PDE10A: variants seen among roughly 807,000 people sequenced by gnomAD.
PDE10A encodes the protein phosphodiesterase 10A, also known as cAMP and cAMP-inhibited cGMP 3',5'-cyclic phosphodiesterase 10A.
PDE10A carries 39 observed loss-of-function variants against 97.7 expected under a neutral mutation model. That is an observed-to-expected ratio of 0.40 (90% CI 0.31 to 0.52). The LOEUF is 0.52. PDE10A is among the 20% of genes least tolerant of loss of function. The pLI is 0.56. For synonymous variants in PDE10A, 371 were observed against 376.8 expected, an observed-to-expected ratio of 0.98 and a Z score of 0.18; for missense variants, 731 against 1,047.8, an observed-to-expected ratio of 0.70 and a Z score of 4.17.
intron 1 of PDE10A, among the ~76,000 whole-genome samples, chr6:165,712,722 C>T (rs928998923): frequency 2.1e-5 from 3 of 145,296 alleles, no homozygotes; most frequent in African/African-American, 7.6e-5. Context: ...TCACTGCAAG[C>T]TCTGCCTCCC....
At chr6:165,599,446 T>C (rs1786804011) in intron 1 of PDE10A, among the ~76,000 whole-genome samples, 1 of 152,220 alleles carries the variant, frequency 6.6e-6, no homozygotes, top group East Asian at 1.9e-4. Context: ...ATTTCAGTGT[T>C]AGTTTTCATT....
rs1214644455 is a variant in PDE10A, at chr6:165,662,141, G to A, written c.671C>T (p.Ala224Val). 1.9e-5 allele frequency: 13 copies of A among 678,220 alleles called. No individual in the cohort carries two copies. The East Asian group carries it at 1.0e-3, about 54-fold the overall frequency. 42.0% of individuals were successfully genotyped at this position (678,220 alleles called of 1,614,324 possible). Residue 224 changes from alanine (A) to valine (V), a missense_variant, in exon 1 of 22, where the codon GCC (alanine) becomes GTC (valine). Ala to Val is a moderately conservative substitution (Grantham distance 64). This residue lies in a region of PDE10A where 181 missense variants were observed against 159.1 expected (regional missense o/e 1.14). Transcript: ENST00000539869. Reference protein sequence around the residue: ...PPPPRLPLGQAARRAGSPGFP... With the variant: ...PPPPRLPLGQVARRAGSPGFP... ...GCCGGGGGAGCCCGCGCGGCGGGCGGCCTGGCCAAGGGGGAGCCGGGGCGG... is the reference window on the plus strand; with the variant it reads ...GCCGGGGGAGCCCGCGCGGCGGGCGACCTGGCCAAGGGGGAGCCGGGGCGG...
intron 1 of PDE10A, among the ~76,000 whole-genome samples, chr6:165,823,495 TA>T (rs1779632477): frequency 1.3e-5 from 1 of 79,984 alleles, no homozygotes; most frequent in African/African-American, 4.1e-5. Context: ...TATATATATA[TA>T]TATATATATA....
intron 1 of PDE10A, among the ~76,000 whole-genome samples, chr6:165,884,547 C>A (rs141793478): frequency 2.7e-4 from 41 of 152,308 alleles, no homozygotes; most frequent in African/African-American, 9.4e-4. Context: ...TGTCTCCCCC[C>A]TGAAACTCCC....
intron 1 of PDE10A, among the ~76,000 whole-genome samples, chr6:165,612,091 AG>A (rs1407010138): frequency 6.6e-6 from 1 of 152,232 alleles, no homozygotes; most frequent in African/African-American, 2.4e-5. Context: ...ATTAACGACA[AG>A]TATCTACAGA....
At chr6:165,412,380 AAC>A (rs765934494) in intron 13 of PDE10A, among the ~76,000 whole-genome samples, 1 of 152,196 alleles carries the variant, frequency 6.6e-6, no homozygotes, top group East Asian at 1.9e-4. Flanking sequence ...AAAATGATAA[AAC>A]AGTCAATATT....
intron 1 of PDE10A, among the ~76,000 whole-genome samples, chr6:165,743,277 G>A (rs1296624066): frequency 6.6e-6 from 1 of 152,194 alleles, no homozygotes; most frequent in African/African-American, 2.4e-5. Flanking sequence ...GAAGAGTCAT[G>A]CTTAGTGTTC....
At chr6:165,902,250 T>G (rs966869901) in intron 1 of PDE10A, among the ~76,000 whole-genome samples, 9 of 152,232 alleles carry the variant, frequency 5.9e-5, no homozygotes, top group Non-Finnish European at 1.0e-4. Flanking sequence ...CCACAGCCCT[T>G]GTTTCTCAGA....
chr6:165,717,541 G>A (rs1016391176), intron 1 of PDE10A, among the ~76,000 whole-genome samples: 1 of 151,388 alleles, frequency 6.6e-6, no homozygotes, highest in African/African-American at 2.4e-5. Context: ...CCTAGATCAT[G>A]CCACTGCATT....
At chr6:165,629,965 C>A (rs1788557384) in intron 1 of PDE10A, among the ~76,000 whole-genome samples, 1 of 151,944 alleles carries the variant, frequency 6.6e-6, no homozygotes, top group South Asian at 2.1e-4. Flanking sequence ...TAAATTGATA[C>A]CATATTAAAT....
chr6:165,424,957 A>G (rs1789008875), intron 10 of PDE10A, among the ~76,000 whole-genome samples: 1 of 152,192 alleles, frequency 6.6e-6, no homozygotes, highest in Non-Finnish European at 1.5e-5. Context: ...ACAAATATAC[A>G]TAGCAATGAA....
At chr6:165,747,545 C>T (rs773713339) in intron 1 of PDE10A, among the ~76,000 whole-genome samples, 30 of 151,486 alleles carry the variant, frequency 2.0e-4, no homozygotes, top group Non-Finnish European at 3.8e-4. Flanking sequence ...GAACTCAGGA[C>T]TCAGGCAATT....
intron 1 of PDE10A, among the ~76,000 whole-genome samples, chr6:165,647,241 A>G (rs988798844): frequency 1.3e-5 from 2 of 152,230 alleles, no homozygotes; most frequent in African/African-American, 2.4e-5. Flanking sequence ...TACAGTGTCC[A>G]TGGCAGAGAG....
intron 1 of PDE10A, among the ~76,000 whole-genome samples, chr6:165,903,582 C>T (rs1054707563): frequency 3.3e-5 from 5 of 152,168 alleles, no homozygotes; most frequent in African/African-American, 7.2e-5. Flanking sequence ...TTCAATAAGA[C>T]GTCCATGTGC....
intron 13 of PDE10A, among the ~76,000 whole-genome samples, chr6:165,404,368 T>G (rs1184610519): frequency 1.3e-5 from 2 of 152,004 alleles, no homozygotes; most frequent in East Asian, 3.9e-4. Context: ...GGAGCTGAAC[T>G]GAGAACTCCA....
intron 1 of PDE10A, among the ~76,000 whole-genome samples, chr6:165,656,793 C>T (rs1249198523): frequency 2.0e-5 from 3 of 152,162 alleles, no homozygotes; most frequent in African/African-American, 4.8e-5. Context: ...AGTCAGAGGC[C>T]GTCTGGTTCT....
At chr6:165,807,405 C>G (rs1442908277) in intron 1 of PDE10A, among the ~76,000 whole-genome samples, 3 of 152,090 alleles carry the variant, frequency 2.0e-5, no homozygotes, top group African/African-American at 7.2e-5. Context: ...GGGCTCCAGG[C>G]ATCACTCTGA....
intron 1 of PDE10A, among the ~76,000 whole-genome samples, chr6:165,691,221 A>C (rs1272222192): frequency 1.2e-4 from 17 of 140,342 alleles, no homozygotes; most frequent in African/African-American, 5.3e-4. Context: ...ACACACACAC[A>C]CACACACACA....
At chr6:165,852,348 CAT>C (rs1780594406) in intron 1 of PDE10A, among the ~76,000 whole-genome samples, 1 of 152,222 alleles carries the variant, frequency 6.6e-6, no homozygotes, top group Non-Finnish European at 1.5e-5. Flanking sequence ...TACACCCAAT[CAT>C]ATGTCCTCAA....
Sources: gnomAD v4.1 joint callset for allele counts (sites outside exome capture counted in the v4.1 genomes callset) on GRCh38, gnomAD v4.1.1 for gene constraint, gnomAD v4.1.1 regional missense constraint, MANE v1.5 for transcripts, NCBI Gene and HGNC (gene_info 2026-07-23, HGNC 2026-07-21) for gene names.